Variants in ANO6 observed in about 807,000 individuals in gnomAD.
ANO6 encodes the protein anoctamin 6.
In ANO6, 106 loss-of-function variants were observed where a neutral mutation model predicts 117.5. The observed-to-expected ratio is 0.90, with a 90% CI of 0.77 to 1.06. The LOEUF (loss-of-function observed/expected upper bound fraction) is 1.06. ANO6 is among the 50% of genes least tolerant of loss of function. The pLI is 0.00. For missense variants in ANO6, 955 were observed against 1,121.1 expected, an observed-to-expected ratio of 0.85 and a Z score of 2.12; for synonymous variants, 367 against 385.1, an observed-to-expected ratio of 0.95 and a Z score of 0.55.
At chr12:45,306,693 C>T (rs1214571188) in intron 2 of ANO6, among the ~76,000 whole-genome samples, 8 of 152,020 alleles carry the variant, frequency 5.3e-5, no homozygotes, top group Middle Eastern at 3.4e-3. Context: ...AATATTCATT[C>T]GATATCTACT....
chr12:45,267,388 C>G (rs1280614332), intron 1 of ANO6, among the ~76,000 whole-genome samples: 1 of 152,190 alleles, frequency 6.6e-6, no homozygotes, highest in African/African-American at 2.4e-5. Flanking sequence ...TTAATCACCT[C>G]TTTAAAGACC....
chr12:45,317,113 G>GTATATATATA (rs1555168447), intron 2 of ANO6, among the ~76,000 whole-genome samples: 1 of 66,448 alleles, frequency 1.5e-5, no homozygotes. Context: ...CTTTTTATAT[G>GTATATATATA]TATATATATA....
chr12:45,416,784 A>C lies in ANO6; in HGVS notation c.2097A>C (p.Ile699=), dbSNP rs1470318417. The C allele has an allele frequency of 6.2e-7, 1 of 1,614,180 alleles. No individual in the cohort carries two copies. Among genetic ancestry groups the C allele is most frequent in the Admixed American group, 1.7e-5 (1 of 60,014 alleles). The part of the protein sequence containing the change: ...LLALVNNILE[I]RVDAWKLTTQ... The stretch of plus-strand genomic sequence containing the variant: ...CTCTCGTGAACAATATATTGGAAAT[A>C]AGAGTGGACGCATGGAAACTGACCA... The change falls in exon 17 of 20, where the codon ATA becomes ATC. Residue 699 remains isoleucine, a synonymous_variant. Coordinates refer to ENST00000320560, the MANE Select transcript of ANO6 (RefSeq NM_001025356.3).
At chr12:45,406,146 G>C (rs1429051211) in intron 15 of ANO6, among the ~76,000 whole-genome samples, 2 of 152,210 alleles carry the variant, frequency 1.3e-5, no homozygotes, top group East Asian at 3.8e-4. Flanking sequence ...GAGCATATCT[G>C]GCTCAGGGAT....
intron 12 of ANO6, among the ~76,000 whole-genome samples, chr12:45,394,624 C>T (rs141404463): frequency 0.14 from 20,993 of 152,196 alleles, 2,031 homozygotes; most frequent in South Asian, 0.45. Context: ...TGTGAAAGAA[C>T]AGAAATCACA....
intron 2 of ANO6, among the ~76,000 whole-genome samples, chr12:45,325,303 C>T (rs1466987895): frequency 6.6e-6 from 1 of 152,118 alleles, no homozygotes; most frequent in Non-Finnish European, 1.5e-5. Context: ...ACCTACAGAT[C>T]ATTATTCCTC....
rs1468456326 is a variant in ANO6, at chr12:45,432,172, CTGAAGTAGAACTA to C, written c.*2863_*2875del. On this transcript the variant is annotated 3_prime_UTR_variant, in exon 20 of 20. Coordinates refer to ENST00000320560, the MANE Select transcript of ANO6 (RefSeq NM_001025356.3). ...GGGTAAAAATGTATGAGCAGCTTAA[CTGAAGTAGAACTA>C]TTCATGATGCTTTTCACACATTGTG... 1 of 985,070 alleles carries C rather than the reference CTGAAGTAGAACTA, an allele frequency of 1.0e-6. No homozygotes were observed. The highest frequency in any genetic ancestry group is 1.2e-6 in the Non-Finnish European group (1 of 829,770). 61.0% of individuals were successfully genotyped at this position (985,070 alleles called of 1,614,324 possible). A position where few individuals can be genotyped will look rare whatever the true frequency, so the allele number is the denominator to read the frequency against.
intron 10 of ANO6, among the ~76,000 whole-genome samples, chr12:45,384,570 A>C (rs188908463): frequency 2.8e-4 from 42 of 152,320 alleles, no homozygotes; most frequent in Admixed American, 3.9e-4. Flanking sequence ...ATCTCAAAGA[A>C]TAGAGAGGCC....
chr12:45,360,987 T>C (rs60794282), intron 8 of ANO6, among the ~76,000 whole-genome samples: 4,890 of 152,318 alleles, frequency 0.032, 109 homozygotes, highest in African/African-American at 0.059. Context: ...ACTGTAACTT[T>C]GTAAACTTCA....
chr12:45,220,082 G>C (rs1223189840), intron 1 of ANO6, among the ~76,000 whole-genome samples: 1 of 152,016 alleles, frequency 6.6e-6, no homozygotes, highest in African/African-American at 2.4e-5. Flanking sequence ...AGCTTTTGTA[G>C]CCAGAATGCA....
chr12:45,295,660 A>G (rs1292993739), intron 1 of ANO6, among the ~76,000 whole-genome samples: 3 of 151,974 alleles, frequency 2.0e-5, no homozygotes, highest in Non-Finnish European at 2.9e-5. Flanking sequence ...TTCCTGGGTC[A>G]AGCAATTCTC....
chr12:45,333,894 A>G (rs1170525014), intron 3 of ANO6, among the ~76,000 whole-genome samples: 2 of 152,056 alleles, frequency 1.3e-5, no homozygotes, highest in African/African-American at 2.4e-5. Context: ...TGTGTAAACC[A>G]TATTGATTTC....
intron 1 of ANO6, among the ~76,000 whole-genome samples, chr12:45,232,937 A>G (rs1565634630): frequency 6.6e-6 from 1 of 152,194 alleles, no homozygotes; most frequent in Admixed American, 6.5e-5. Context: ...GGAAGTTTCC[A>G]AAGGAGGAAG....
chr12:45,392,131 G>A (rs896355969), intron 12 of ANO6, among the ~76,000 whole-genome samples: 3 of 152,184 alleles, frequency 2.0e-5, no homozygotes, highest in South Asian at 2.1e-4. Context: ...CTGGAAGAAC[G>A]GGACACCCCC....
intron 1 of ANO6, among the ~76,000 whole-genome samples, chr12:45,266,535 C>T (rs892523324): frequency 6.6e-6 from 1 of 152,058 alleles, no homozygotes; most frequent in African/African-American, 2.4e-5. Context: ...TTTCCCTTTT[C>T]TTAGTTATCA....
chr12:45,426,592 T>C (rs2137723753), intron 19 of ANO6, among the ~76,000 whole-genome samples: 1 of 152,224 alleles, frequency 6.6e-6, no homozygotes, highest in African/African-American at 2.4e-5. Context: ...TAGCAACATT[T>C]GACTTAGCAA....
intron 6 of ANO6, 95 bp from the exon 7 acceptor site, chr12:45,350,564 C>T: frequency 1.0e-6 from 1 of 991,674 alleles, no homozygotes; most frequent in Non-Finnish European, 1.6e-6. Flanking sequence ...ACCCCTTGTT[C>T]ACAATTGACT....
intron 1 of ANO6, among the ~76,000 whole-genome samples, chr12:45,281,765 TTTG>T (rs752223461): frequency 2.0e-5 from 3 of 152,176 alleles, no homozygotes; most frequent in Non-Finnish European, 2.9e-5. Flanking sequence ...ATAACATCTG[TTTG>T]TTATCTTAAA....
At position 45,409,364 on chromosome 12, in the gene ANO6, A is replaced by G. The variant is rs1411706985; in HGVS notation, c.1888A>G (p.Met630Val). 1.9e-6 allele frequency: 3 copies of G among 1,613,996 alleles called. No individual in the cohort carries two copies. The highest frequency in any genetic ancestry group is 2.2e-5 in the South Asian group (2 of 91,072). Reference sequence around the variant, plus strand: ...AATTGTTCTTTTTGGCAGCTGGATCATGAATCTAATTGGGCGATTTCACAG... The same window carrying G: ...AATTGTTCTTTTTGGCAGCTGGATCGTGAATCTAATTGGGCGATTTCACAG... ...NIQEVLLPWI[M>V]NLIGRFHRVS... Residue 630 changes from methionine (M) to valine (V), a missense_variant, in exon 16 of 20, where the codon ATG becomes GTG. By Grantham distance (21) the Met-to-Val change is conservative. Transcript: ENST00000320560.
Sources: gnomAD v4.1 joint callset for allele counts (sites outside exome capture counted in the v4.1 genomes callset) on GRCh38, gnomAD v4.1.1 for gene constraint, MANE v1.5 for transcripts, NCBI Gene and HGNC (gene_info 2026-07-23, HGNC 2026-07-21) for gene names.